The following NKAIN2 variants were observed in gnomAD, a reference collection of about 807,000 sequenced individuals.
The protein encoded by NKAIN2 is sodium/potassium-transporting ATPase subunit beta-1-interacting protein 2.
A neutral mutation model predicts 32.6 loss-of-function variants in NKAIN2; 14 were observed. That is an observed-to-expected ratio of 0.43 (90% CI 0.28 to 0.67). The LOEUF (loss-of-function observed/expected upper bound fraction) is 0.67, where lower values mean the gene tolerates loss of function less well. Ranked by LOEUF, NKAIN2 falls within the 30% of genes least tolerant of loss-of-function variation. The pLI is 0.17. For synonymous variants in NKAIN2, 80 were observed against 87.2 expected (o/e 0.92, Z 0.46); for missense variants, 198 against 258.3 (o/e 0.77, Z 1.60).
intron 4 of NKAIN2, among the ~76,000 whole-genome samples, chr6:124,723,517 G>A (rs1053943868): frequency 2.6e-5 from 4 of 152,150 alleles, no homozygotes; most frequent in Non-Finnish European, 5.9e-5. Flanking sequence ...CTTTTAGATT[G>A]ACTACTGTGC....
intron 1 of NKAIN2, among the ~76,000 whole-genome samples, chr6:123,808,521 C>T (rs948073044): frequency 5.3e-5 from 8 of 152,220 alleles, no homozygotes; most frequent in Non-Finnish European, 7.4e-5. Context: ...TCTTCTCTGC[C>T]TTATATATAC....
intron 1 of NKAIN2, among the ~76,000 whole-genome samples, chr6:124,161,613 T>TG (rs1788277961): frequency 6.6e-6 from 1 of 152,140 alleles, no homozygotes; most frequent in South Asian, 2.1e-4. Flanking sequence ...TTATGTTCAT[T>TG]GAAATGCTGA....
chr6:124,650,785 C>T (rs376044854), intron 3 of NKAIN2, among the ~76,000 whole-genome samples: 10 of 152,250 alleles, frequency 6.6e-5, no homozygotes, highest in African/African-American at 2.2e-4. Context: ...ACTTCTGGTC[C>T]GCCAGAATCT....
intron 1 of NKAIN2, among the ~76,000 whole-genome samples, chr6:123,998,741 CTCTGTGTG>C (rs1159072977): frequency 2.6e-4 from 34 of 132,672 alleles, no homozygotes; most frequent in African/African-American, 5.7e-4. Context: ...CTCTCTCTCT[CTCTGTGTG>C]TGTGTGTGTG....
intron 1 of NKAIN2, among the ~76,000 whole-genome samples, chr6:123,885,474 T>G (rs1452959447): frequency 6.6e-6 from 1 of 152,128 alleles, no homozygotes; most frequent in East Asian, 1.9e-4. Flanking sequence ...TGATCAGATT[T>G]TGTATGTTTT....
intron 5 of NKAIN2, among the ~76,000 whole-genome samples, chr6:124,816,189 G>T (rs1781156470): frequency 6.6e-6 from 1 of 152,116 alleles, no homozygotes; most frequent in South Asian, 2.1e-4. Flanking sequence ...GCCAGAAAGG[G>T]CTACATGCTA....
chr6:124,636,508 A>C (rs528952760), intron 3 of NKAIN2, among the ~76,000 whole-genome samples: 1 of 152,048 alleles, frequency 6.6e-6, no homozygotes, highest in Non-Finnish European at 1.5e-5. Flanking sequence ...AAAATCAATA[A>C]TCCATGATGC....
At chr6:124,687,743 T>TATATATAC (rs1554251784) in intron 4 of NKAIN2, among the ~76,000 whole-genome samples, 1 of 104,374 alleles carries the variant, frequency 9.6e-6, no homozygotes, top group Non-Finnish European at 1.8e-5. Flanking sequence ...ATATGATATA[T>TATATATAC]ACACACACAC....
At chr6:124,100,185 A>G (rs1163502024) in intron 1 of NKAIN2, among the ~76,000 whole-genome samples, 3 of 152,212 alleles carry the variant, frequency 2.0e-5, no homozygotes, top group Non-Finnish European at 4.4e-5. Flanking sequence ...GATCCTTGAG[A>G]CACAAAGCGA....
At chr6:124,040,634 C>T (rs771957258) in intron 1 of NKAIN2, among the ~76,000 whole-genome samples, 2 of 151,894 alleles carry the variant, frequency 1.3e-5, no homozygotes, top group Non-Finnish European at 2.9e-5. Context: ...TAAGCCTTTG[C>T]TTGATGATAT....
At chr6:123,969,165 A>G (rs1582859454) in intron 1 of NKAIN2, among the ~76,000 whole-genome samples, 1 of 152,334 alleles carries the variant, frequency 6.6e-6, no homozygotes, top group African/African-American at 2.4e-5. Flanking sequence ...AATTGTCTTC[A>G]GGTTTTTGCT....
intron 1 of NKAIN2, among the ~76,000 whole-genome samples, chr6:123,926,775 A>G (rs1776024752): frequency 1.3e-5 from 2 of 152,180 alleles, no homozygotes. Flanking sequence ...TTGGACATGC[A>G]ACCAGATTAG....
At chr6:123,930,410 T>G (rs1776201034) in intron 1 of NKAIN2, among the ~76,000 whole-genome samples, 1 of 152,158 alleles carries the variant, frequency 6.6e-6, no homozygotes, top group Admixed American at 6.6e-5. Flanking sequence ...TGATAGAACA[T>G]ATGATAATCT....
At chr6:124,491,217 A>G (rs902872324) in intron 3 of NKAIN2, among the ~76,000 whole-genome samples, 2 of 151,900 alleles carry the variant, frequency 1.3e-5, no homozygotes, top group African/African-American at 4.8e-5. Context: ...CCCATTTTGC[A>G]GATGACATCA....
chr6:124,641,003 T>C (rs1183695078), intron 3 of NKAIN2, among the ~76,000 whole-genome samples: 1 of 152,212 alleles, frequency 6.6e-6, no homozygotes, highest in Non-Finnish European at 1.5e-5. Flanking sequence ...AGTTGAGAGT[T>C]GATATGCACT....
chr6:124,815,548 G>A (rs1260603844), intron 5 of NKAIN2, among the ~76,000 whole-genome samples: 3 of 152,038 alleles, frequency 2.0e-5, no homozygotes, highest in Non-Finnish European at 4.4e-5. Context: ...GGGATTACAG[G>A]CGTGAGCCAC....
chr6:124,181,807 G>C (rs1206178131), intron 1 of NKAIN2, among the ~76,000 whole-genome samples: 1 of 152,094 alleles, frequency 6.6e-6, no homozygotes, highest in African/African-American at 2.4e-5. Flanking sequence ...TCAGCATTTT[G>C]GTCAAAGCCA....
At chr6:123,873,559 G>C (rs1416917489) in intron 1 of NKAIN2, among the ~76,000 whole-genome samples, 3 of 152,126 alleles carry the variant, frequency 2.0e-5, no homozygotes, top group Non-Finnish European at 4.4e-5. Flanking sequence ...CAAAATGCAG[G>C]CGAGAGGAGA....
intron 1 of NKAIN2, among the ~76,000 whole-genome samples, chr6:123,883,726 T>TA (rs1357291931): frequency 4.7e-5 from 7 of 149,934 alleles, no homozygotes; most frequent in South Asian, 2.1e-4. Flanking sequence ...AGGTACATTT[T>TA]AAAAAAATGT....
Sources: allele counts gnomAD v4.1 joint callset (sites outside exome capture counted in the v4.1 genomes callset), GRCh38; gene constraint gnomAD v4.1.1; transcripts MANE v1.5; gene names NCBI Gene and HGNC (gene_info 2026-07-23, HGNC 2026-07-21).